The following MNAT1 variants were observed in gnomAD, a reference collection of about 807,000 sequenced individuals.
MNAT1 encodes the protein MNAT1 component of CDK activating kinase, also known as CDK-activating kinase assembly factor MAT1.
MNAT1 carries 43 observed loss-of-function variants against 42.0 expected under a neutral mutation model. The observed-to-expected ratio is 1.02, with a 90% CI of 0.80 to 1.32. The LOEUF (loss-of-function observed/expected upper bound fraction) is 1.32, where lower values mean the gene tolerates loss of function less well. Among genes scored for constraint, MNAT1 ranks in the 40% most tolerant of loss-of-function variants. The probability of loss-of-function intolerance (pLI) is 0.00; values close to 1 mark genes in which losing one functional copy is unlikely to be tolerated. For synonymous variants in MNAT1, 118 were observed against 120.0 expected (o/e 0.98, Z 0.11); for missense variants, 306 against 350.4 (o/e 0.87, Z 1.01).
chr14:60,748,804 G>A (rs938075741), intron 1 of MNAT1, among the ~76,000 whole-genome samples: 9 of 152,214 alleles, frequency 5.9e-5, no homozygotes, highest in African/African-American at 2.2e-4. Flanking sequence ...AGTAGAAGGA[G>A]TACACTATAA....
chr14:60,874,474 AT>A (rs1224235650), intron 6 of MNAT1, among the ~76,000 whole-genome samples: 3 of 150,984 alleles, frequency 2.0e-5, no homozygotes, highest in Non-Finnish European at 4.4e-5. Flanking sequence ...TCTTTTATTG[AT>A]TCTTCCTCTC....
At chr14:60,900,337 G>T (rs1306650396) in intron 7 of MNAT1, among the ~76,000 whole-genome samples, 1 of 152,194 alleles carries the variant, frequency 6.6e-6, no homozygotes, top group African/African-American at 2.4e-5. Context: ...TAAAAGTGTT[G>T]CTCCAATGAA....
Position 60,904,976 on chromosome 14 carries a change from C to CTTTTTTTTTTTTTTTT in MNAT1, c.809+25143_809+25158dup, listed in dbSNP as rs3081651. 2.0e-3 allele frequency among the ~76,000 whole-genome samples: 161 copies of CTTTTTTTTTTTTTTTT among 78,986 alleles called. 18 individuals are homozygous for CTTTTTTTTTTTTTTTT. The highest frequency in any genetic ancestry group is 0.015 in the Middle Eastern group (1 of 66). 51.8% of individuals were successfully genotyped at this position (78,986 alleles called of 152,430 possible). On this transcript the variant is annotated intron_variant, in intron 7 of 7. Transcript: ENST00000261245. ...AAAACAATAGATTGTTCAGCAGTTCCTTTTTTTTTTTTTTTTTGGACGGAG... is the reference window on the plus strand; with the variant it reads ...AAAACAATAGATTGTTCAGCAGTTCCTTTTTTTTTTTTTTTTTTTTTTTTTTTTTTTTTGGACGGAG...
intron 7 of MNAT1, among the ~76,000 whole-genome samples, chr14:60,916,845 C>G (rs2035527264): frequency 6.6e-6 from 1 of 152,036 alleles, no homozygotes; most frequent in South Asian, 2.1e-4. Flanking sequence ...CCCAACTAGT[C>G]AGGAGGCTGA....
chr14:60,899,096 A>G (rs935993315), intron 7 of MNAT1, among the ~76,000 whole-genome samples: 11 of 152,080 alleles, frequency 7.2e-5, no homozygotes, highest in Non-Finnish European at 1.6e-4. Context: ...CGGGTTCTCT[A>G]TTATGTTCCA....
In MNAT1 at chr14:60,968,238, C is replaced by T. The variant is rs1316130323; in HGVS notation, c.819C>T (p.Asn273=). The T allele has an allele frequency of 6.2e-7, 1 of 1,611,496 alleles. No homozygotes were observed. The highest frequency in any genetic ancestry group is 1.1e-5 in the South Asian group (1 of 90,718). The part of the protein sequence containing the change: ...LEMLGRLGYL[N]HVRAASPQDL... ...TCTTGTTTTGTTTTAGGTATTTAAA[C>T]CATGTCAGAGCTGCCTCACCACAGG... Residue 273 remains asparagine, a synonymous_variant, in exon 8 of 8, where the codon AAC becomes AAT. Coordinates refer to ENST00000261245, the MANE Select transcript of MNAT1 (RefSeq NM_002431.4).
intron 7 of MNAT1, among the ~76,000 whole-genome samples, chr14:60,885,453 A>G (rs2034644218): frequency 6.6e-6 from 1 of 151,914 alleles, no homozygotes; most frequent in African/African-American, 2.4e-5. Flanking sequence ...CTTCTGCTTA[A>G]TCAATTCTGC....
chr14:60,798,240 T>A, intron 3 of MNAT1, 80 bp downstream of exon 3: 1 of 717,900 alleles, frequency 1.4e-6, no homozygotes, highest in Non-Finnish European at 2.4e-6. Flanking sequence ...ACATCTCACA[T>A]AAAAACCTCT....
intron 7 of MNAT1, among the ~76,000 whole-genome samples, chr14:60,920,451 G>A (rs768304802): frequency 6.6e-6 from 1 of 151,618 alleles, no homozygotes; most frequent in Non-Finnish European, 1.5e-5. Context: ...GGACAGTCTC[G>A]CTCCGTCGCC....
chr14:60,767,677 C>T (rs1475479270), intron 1 of MNAT1, among the ~76,000 whole-genome samples: 1 of 152,060 alleles, frequency 6.6e-6, no homozygotes, highest in African/African-American at 2.4e-5. Context: ...CTTGGCTCAT[C>T]GCAACCTCTG....
chr14:60,794,526 C>T (rs1334184376), intron 1 of MNAT1, among the ~76,000 whole-genome samples: 1 of 149,282 alleles, frequency 6.7e-6, no homozygotes, highest in Admixed American at 6.7e-5. Context: ...ATTAGCAGAG[C>T]GTGACAGTGT....
intron 1 of MNAT1, among the ~76,000 whole-genome samples, chr14:60,790,737 T>C (rs1019138316): frequency 1.3e-5 from 2 of 152,154 alleles, no homozygotes; most frequent in African/African-American, 4.8e-5. Context: ...CACAGGGTAA[T>C]GGTGAATTCT....
At chr14:60,762,497 A>G (rs542424234) in intron 1 of MNAT1, among the ~76,000 whole-genome samples, 1 of 152,054 alleles carries the variant, frequency 6.6e-6, no homozygotes, top group East Asian at 1.9e-4. Context: ...CTGGCCCACT[A>G]ATGTCATCTC....
At chr14:60,899,218 CG>C (rs2060101101) in intron 7 of MNAT1, among the ~76,000 whole-genome samples, 1 of 152,114 alleles carries the variant, frequency 6.6e-6, no homozygotes. Flanking sequence ...TATAGATGCA[CG>C]TACTTATTTC....
chr14:60,931,511 C>G (rs2139570385), intron 7 of MNAT1, among the ~76,000 whole-genome samples: 1 of 152,290 alleles, frequency 6.6e-6, no homozygotes, highest in South Asian at 2.1e-4. Flanking sequence ...AGCAGCTGGG[C>G]TGGACCAAAA....
intron 7 of MNAT1, 75 bp downstream of exon 7, chr14:60,879,910 C>T (rs911316773): frequency 1.7e-5 from 25 of 1,476,062 alleles, no homozygotes; most frequent in African/African-American, 4.2e-5. Context: ...GACATGTTAA[C>T]ATTCTTAGAT....
intron 6 of MNAT1, among the ~76,000 whole-genome samples, chr14:60,855,171 C>T (rs1369862384): frequency 6.6e-6 from 1 of 152,176 alleles, no homozygotes; most frequent in African/African-American, 2.4e-5. Context: ...CCGCACCAAG[C>T]TCGACTGACC....
intron 7 of MNAT1, among the ~76,000 whole-genome samples, chr14:60,950,650 T>G (rs943695437): frequency 1.3e-5 from 2 of 152,210 alleles, no homozygotes; most frequent in Non-Finnish European, 2.9e-5. Flanking sequence ...ATTTTATGTG[T>G]GGCCCGAGAC....
At chr14:60,746,923 T>TATATACAC (rs1330097755) in intron 1 of MNAT1, among the ~76,000 whole-genome samples, 1 of 25,818 alleles carries the variant, frequency 3.9e-5, no homozygotes, top group African/African-American at 1.7e-4. Context: ...TATATATATA[T>TATATACAC]ACACACACAC....
Sources: gnomAD v4.1 joint callset for allele counts (sites outside exome capture counted in the v4.1 genomes callset) on GRCh38, gnomAD v4.1.1 for gene constraint, MANE v1.5 for transcripts, NCBI Gene and HGNC (gene_info 2026-07-23, HGNC 2026-07-21) for gene names.